CFHR4: variants seen among roughly 807,000 people sequenced by gnomAD.
CFHR4 encodes the protein complement factor H-related protein 4.
A neutral mutation model predicts 69.3 loss-of-function variants in CFHR4; 64 were observed. The ratio of observed to expected loss-of-function variants is 0.92; its 90% CI spans 0.76 to 1.14. CFHR4 has a LOEUF of 1.14. Among genes scored for constraint, CFHR4 ranks in the 50% most tolerant of loss-of-function variants. The probability of loss-of-function intolerance (pLI) is 0.00; values close to 1 mark genes in which losing one functional copy is unlikely to be tolerated. For missense variants in CFHR4, 636 were observed against 684.9 expected, an observed-to-expected ratio of 0.93 and a Z score of 0.80; for synonymous variants, 244 against 237.0, an observed-to-expected ratio of 1.03 and a Z score of -0.27.
chr1:196,896,577 C>CT (rs1657306640), intron 1 of CFHR4, among the ~76,000 whole-genome samples: 1 of 151,660 alleles, frequency 6.6e-6, no homozygotes, highest in Non-Finnish European at 1.5e-5. Flanking sequence ...CTCCCCGCTG[C>CT]TATGTGCAGG....
chr1:196,909,049 T>A (rs190645018), intron 5 of CFHR4, among the ~76,000 whole-genome samples: 1 of 151,612 alleles, frequency 6.6e-6, no homozygotes, highest in Admixed American at 6.6e-5. Flanking sequence ...AAAATTCGTA[T>A]CCTCAAATCA....
chr1:196,902,506 A>G lies in CFHR4; in HGVS notation c.147A>G (p.Gly49=). 6.2e-7 allele frequency: 1 copy of G among 1,611,382 alleles called. No individual in the cohort carries two copies. Among genetic ancestry groups the G allele is most frequent in the Non-Finnish European group, 8.5e-7 (1 of 1,178,368 alleles). ...LRRLYFPAAA[G]QSYSYYCDQN... ...GACTATACTTTCCAGCAGCTGCAGGACAATCTTATTCCTATTACTGTGATC... is the reference window on the plus strand; with the variant it reads ...GACTATACTTTCCAGCAGCTGCAGGGCAATCTTATTCCTATTACTGTGATC... The change falls in exon 2 of 10, where the codon GGA becomes GGG. Residue 49 remains glycine, a synonymous_variant. Coordinates refer to ENST00000608469, the MANE Select transcript of CFHR4 (RefSeq NM_001201550.3).
intron 2 of CFHR4, among the ~76,000 whole-genome samples, chr1:196,904,512 T>C (rs1234737622): frequency 1.3e-5 from 2 of 151,484 alleles, no homozygotes; most frequent in Non-Finnish European, 2.9e-5. Flanking sequence ...AACACATACA[T>C]TGATAATATA....
chr1:196,912,715 T>C, intron 6 of CFHR4, 25 bp from the exon 7 acceptor site: 1 of 1,552,498 alleles, frequency 6.4e-7, no homozygotes, highest in Non-Finnish European at 8.7e-7. Context: ...AATATTTACT[T>C]TTTTCTCTAC....
chr1:196,916,398 G>T lies in CFHR4; in HGVS notation c.1540+1260G>T, dbSNP rs1049175513. Among the ~76,000 whole-genome samples the T allele has an allele frequency of 7.2e-5, 11 of 151,912 alleles. 1 individual carries two copies. The highest frequency in any genetic ancestry group is 2.0e-4 in the Admixed American group (3 of 15,214). The stretch of plus-strand genomic sequence containing the variant: ...GTGCTCAAGTTCCTAAGTAAAGGAT[G>T]ATACAAGCCGTTCTTTTCTGTGATG... On this transcript the variant is annotated intron_variant, in intron 9 of 9. Transcript: ENST00000608469.
Position 196,901,035 on chromosome 1 carries a change from A to T in CFHR4, c.59-1383A>T, listed in dbSNP as rs578127122. 9.9e-5 allele frequency among the ~76,000 whole-genome samples: 15 copies of T among 151,698 alleles called. No homozygotes were observed. In the South Asian group the frequency reaches 3.1e-3, roughly 31 times the overall value. On this transcript the variant is annotated intron_variant, in intron 1 of 9. Transcript: ENST00000608469. ...TTTCTAATCAAACAAAAAGAAATAGATTGATGAACGCCAGATGTGTTAAAG... is the reference window on the plus strand; with the variant it reads ...TTTCTAATCAAACAAAAAGAAATAGTTTGATGAACGCCAGATGTGTTAAAG...
Position 196,918,508 on chromosome 1 carries a change from T to C in CFHR4, c.*102T>C. On this transcript the variant is annotated 3_prime_UTR_variant, in exon 10 of 10. Transcript: ENST00000608469. ...TCTGATATTGTTGTAATTTCTACTTTATTTCAAAGAAAATTAATATAATAG... is the reference window on the plus strand; with the variant it reads ...TCTGATATTGTTGTAATTTCTACTTCATTTCAAAGAAAATTAATATAATAG... 4 of 1,180,362 alleles carry C rather than the reference T, an allele frequency of 3.4e-6. No homozygotes were observed. Among genetic ancestry groups the C allele is most frequent in the African/African-American group, 1.6e-5 (1 of 64,024 alleles). 73.1% of individuals were successfully genotyped at this position (1,180,362 alleles called of 1,614,324 possible).
At chr1:196,898,742 A>G (rs889358440) in intron 1 of CFHR4, among the ~76,000 whole-genome samples, 1 of 151,500 alleles carries the variant, frequency 6.6e-6, no homozygotes, top group Non-Finnish European at 1.5e-5. Context: ...TCTGTGTCAG[A>G]TGCTCTCCTG....
intron 2 of CFHR4, among the ~76,000 whole-genome samples, chr1:196,904,257 T>A (rs1009903771): frequency 6.6e-6 from 1 of 151,610 alleles, no homozygotes; most frequent in African/African-American, 2.4e-5. Context: ...GTTTAGAGAC[T>A]GGAGGAGATT....
intron 6 of CFHR4, among the ~76,000 whole-genome samples, chr1:196,911,928 A>G (rs1658290146): frequency 6.6e-6 from 1 of 151,446 alleles, no homozygotes; most frequent in Non-Finnish European, 1.5e-5. Flanking sequence ...ATTATGACAA[A>G]TGCTATATTA....
intron 6 of CFHR4, among the ~76,000 whole-genome samples, chr1:196,911,484 A>G (rs1240625621): frequency 2.0e-5 from 3 of 150,842 alleles, no homozygotes; most frequent in South Asian, 2.1e-4. Flanking sequence ...CAACTATGTC[A>G]TATCTATTTT....
At chr1:196,915,654 A>G (rs1658572048) in intron 9 of CFHR4, among the ~76,000 whole-genome samples, 1 of 151,390 alleles carries the variant, frequency 6.6e-6, no homozygotes, top group South Asian at 2.1e-4. Context: ...AAAAATAAAA[A>G]ATAAAAAATA....
rs533230601 is a variant in CFHR4, at chr1:196,900,432, G to T, written c.59-1986G>T. 1.3e-3 allele frequency among the ~76,000 whole-genome samples: 187 copies of T among 149,484 alleles called. 2 individuals are homozygous for T. The highest frequency in any genetic ancestry group is 2.2e-3 in the Non-Finnish European group (151 of 67,612). ...AGTGGCTCAAGCTTGTGGTATTAAT[G>T]ATAATGATAGCTACTTTTAATTATA... On this transcript the variant is annotated intron_variant, in intron 1 of 9. Transcript: ENST00000608469.
rs527658350 is a variant in CFHR4, at chr1:196,903,706, CAT to C, written c.256+1094_256+1095del. Reference sequence around the variant, plus strand: ...ATATGTATATATATACACACACACACATATGTCATGAAGATCACAAAATACAC... The same window carrying C: ...ATATGTATATATATACACACACACACATGTCATGAAGATCACAAAATACAC... On this transcript the variant is annotated intron_variant, in intron 2 of 9. Coordinates refer to ENST00000608469, the MANE Select transcript of CFHR4 (RefSeq NM_001201550.3). 2.1e-3 allele frequency among the ~76,000 whole-genome samples: 315 copies of C among 151,072 alleles called. 9 individuals are homozygous for C. In the South Asian group the frequency reaches 0.024, roughly 12 times the overall value.
chr1:196,900,317 A>ATTTTTT (rs36051521), intron 1 of CFHR4, among the ~76,000 whole-genome samples: 1 of 134,024 alleles, frequency 7.5e-6, no homozygotes, highest in African/African-American at 2.8e-5. Flanking sequence ...CATAGGTGGA[A>ATTTTTT]TTTTTTTTTT....
chr1:196,889,803 A>G (rs2124930606), intron 1 of CFHR4, among the ~76,000 whole-genome samples: 1 of 151,598 alleles, frequency 6.6e-6, no homozygotes, highest in East Asian at 1.9e-4. Context: ...AATTAAGTTA[A>G]AGGTCAATGA....
intron 5 of CFHR4, 115 bp from the exon 6 acceptor site, chr1:196,910,164 AAG>A: frequency 1.5e-6 from 1 of 684,552 alleles, no homozygotes; most frequent in Non-Finnish European, 2.3e-6. Flanking sequence ...AAAAAAAAAA[AAG>A]TAAAGAAAAA....
At chr1:196,904,740 T>C (rs1340584886) in intron 2 of CFHR4, among the ~76,000 whole-genome samples, 1 of 151,582 alleles carries the variant, frequency 6.6e-6, no homozygotes, top group Non-Finnish European at 1.5e-5. Context: ...GCCTGGGAAA[T>C]GGCATTTGAC....
chr1:196,914,000 A>T (rs1158149005), intron 7 of CFHR4, among the ~76,000 whole-genome samples: 1 of 151,574 alleles, frequency 6.6e-6, no homozygotes, highest in African/African-American at 2.4e-5. Flanking sequence ...TAAATGATCT[A>T]CTTTAAAACT....
Sources: gnomAD v4.1 joint callset for allele counts (sites outside exome capture counted in the v4.1 genomes callset) on GRCh38, gnomAD v4.1.1 for gene constraint, MANE v1.5 for transcripts, NCBI Gene and HGNC (gene_info 2026-07-23, HGNC 2026-07-21) for gene names.